The following PINX1 variants were observed in gnomAD, a reference collection of about 807,000 sequenced individuals.
PINX1 encodes the protein PIN2/TERF1-interacting telomerase inhibitor 1.
A neutral mutation model predicts 25.4 loss-of-function variants in PINX1; 34 were observed. That is an observed-to-expected ratio of 1.34 (90% confidence interval 1.02 to 1.78). The LOEUF is 1.78. Among genes scored for constraint, PINX1 ranks in the 40% most tolerant of loss-of-function variants. The probability of loss-of-function intolerance (pLI) is 0.00; values close to 1 mark genes in which losing one functional copy is unlikely to be tolerated. For missense variants in PINX1, 592 were observed against 404.9 expected, an observed-to-expected ratio of 1.46 and a Z score of -3.97; for synonymous variants, 197 against 147.7, an observed-to-expected ratio of 1.33 and a Z score of -2.42.
chr8:10,771,195 G>A (rs1801209891), intron 6 of PINX1: 1 of 152,186 alleles, frequency 6.6e-6, no homozygotes, highest in Admixed American at 6.5e-5. Context: ...ATCCCTTCAG[G>A]TATGAAGTGA....
At chr8:10,825,235 A>C in intron 5 of PINX1, 1 of 443,302 alleles carries the variant, frequency 2.3e-6, no homozygotes, top group Admixed American at 2.4e-5. Flanking sequence ...CTGGCTGTAC[A>C]AGTTAAGAGC....
At chr8:10,834,634 C>G (rs751699270) in intron 2 of PINX1, 32 bp downstream of exon 2, 10 of 1,608,878 alleles carry the variant, frequency 6.2e-6, no homozygotes, top group Non-Finnish European at 8.5e-6. Flanking sequence ...CTTTTCATAG[C>G]TCAGATTTTT....
chr8:10,790,367 C>G (rs1353129785), intron 6 of PINX1, among the ~76,000 whole-genome samples: 3 of 152,158 alleles, frequency 2.0e-5, no homozygotes, highest in African/African-American at 7.2e-5. Context: ...CTCACAGCAT[C>G]AGGTCAGATG....
intron 6 of PINX1, among the ~76,000 whole-genome samples, chr8:10,808,438 C>T (rs868038720): frequency 2.0e-5 from 3 of 152,022 alleles, no homozygotes; most frequent in Non-Finnish European, 1.5e-5. Context: ...CATCTAGGTG[C>T]GTATATTACT....
At chr8:10,791,959 GAGGTGCCAGTTAC>G (rs1281685065) in intron 6 of PINX1, among the ~76,000 whole-genome samples, 6 of 152,172 alleles carry the variant, frequency 3.9e-5, no homozygotes, top group African/African-American at 1.4e-4. Flanking sequence ...TCTCTCCACA[GAGGTGCCAGTTAC>G]ACCTGGCAGT....
chr8:10,832,851 A>ACCTTC, intron 3 of PINX1, 41 bp downstream of exon 3: 3 of 1,205,064 alleles, frequency 2.5e-6, no homozygotes, highest in Non-Finnish European at 3.7e-6. Context: ...GACTGAAGCC[A>ACCTTC]ATTATGCAAA....
In PINX1 at chr8:10,782,559, A is replaced by C. The variant is rs1586146154; in HGVS notation, c.472-16643T>G. Among the ~76,000 whole-genome samples the C allele has an allele frequency of 2.6e-5, 4 of 152,214 alleles. No homozygotes were observed. In the East Asian group the frequency reaches 5.8e-4, roughly 22 times the overall value. On this transcript the variant is annotated intron_variant, in intron 6 of 6. Coordinates refer to ENST00000314787, the MANE Select transcript of PINX1 (RefSeq NM_017884.6). ...AAGACCAACGTGGCCAATATGCTGA[A>C]ACCCCGTCTCTACTAAAAATACAAA...
chr8:10,794,442 T>C (rs1395137092), intron 6 of PINX1, among the ~76,000 whole-genome samples: 1 of 151,930 alleles, frequency 6.6e-6, no homozygotes, highest in East Asian at 1.9e-4. Context: ...TTGCTACCTT[T>C]TTTTTTTTTG....
intron 6 of PINX1, among the ~76,000 whole-genome samples, chr8:10,814,555 T>C (rs970701067): frequency 2.0e-5 from 3 of 152,210 alleles, no homozygotes; most frequent in Non-Finnish European, 2.9e-5. Flanking sequence ...AAACATAAAA[T>C]GGTGTGAGCA....
At chr8:10,808,950 G>A (rs1802540344) in intron 6 of PINX1, among the ~76,000 whole-genome samples, 1 of 152,198 alleles carries the variant, frequency 6.6e-6, no homozygotes, top group Admixed American at 6.5e-5. Flanking sequence ...AAATGACTAA[G>A]TTTCCTTGAT....
At chr8:10,791,145 C>G (rs1276607237) in intron 6 of PINX1, among the ~76,000 whole-genome samples, 1 of 152,076 alleles carries the variant, frequency 6.6e-6, no homozygotes, top group Non-Finnish European at 1.5e-5. Context: ...AATTCCTGAC[C>G]TCGTGATCTG....
chr8:10,767,420 T>A (rs953468818), intron 6 of PINX1, among the ~76,000 whole-genome samples: 3 of 151,730 alleles, frequency 2.0e-5, no homozygotes, highest in Admixed American at 6.6e-5. Context: ...AAAAAAAAAA[T>A]CATGTGGTCA....
Position 10,820,114 on chromosome 8 carries a change from T to C in PINX1, c.471+79A>G, listed in dbSNP as rs72549107. 2.0e-3 allele frequency: 1,828 copies of C among 900,390 alleles called. 21 individuals are homozygous for C. In the African/African-American group the frequency reaches 0.027, roughly 13 times the overall value. 55.8% of individuals were successfully genotyped at this position (900,390 alleles called of 1,614,324 possible). On this transcript the variant is annotated intron_variant, in intron 6 of 6. Coordinates refer to ENST00000314787, the MANE Select transcript of PINX1 (RefSeq NM_017884.6). ...AAGTTTGTCAGAAAAGTACTAGTCATAGATAGAAACAGTCCTATACACAGG... is the reference window on the plus strand; with the variant it reads ...AAGTTTGTCAGAAAAGTACTAGTCACAGATAGAAACAGTCCTATACACAGG...
chr8:10,826,888 T>C (rs1798067641), intron 4 of PINX1, among the ~76,000 whole-genome samples: 2 of 152,248 alleles, frequency 1.3e-5, no homozygotes, highest in Admixed American at 6.5e-5. Flanking sequence ...GAGGTTGCTG[T>C]GCCGTGGTGG....
chr8:10,835,936 G>A (rs929064470), intron 1 of PINX1, among the ~76,000 whole-genome samples: 8 of 151,950 alleles, frequency 5.3e-5, no homozygotes, highest in Non-Finnish European at 1.0e-4. Flanking sequence ...GAAAATTATG[G>A]CAAAAATAAA....
chr8:10,798,325 C>G (rs1425525358), intron 6 of PINX1, among the ~76,000 whole-genome samples: 1 of 152,218 alleles, frequency 6.6e-6, no homozygotes, highest in Non-Finnish European at 1.5e-5. Flanking sequence ...ATTATTACTT[C>G]AAGTTGACTT....
At chr8:10,822,355 A>T (rs992662321) in intron 5 of PINX1, among the ~76,000 whole-genome samples, 19 of 152,254 alleles carry the variant, frequency 1.2e-4, no homozygotes, top group African/African-American at 4.3e-4. Context: ...TGGTCAAATC[A>T]TACAAAATAC....
At chr8:10,766,709 T>C (rs1801060822) in intron 6 of PINX1, among the ~76,000 whole-genome samples, 1 of 152,256 alleles carries the variant, frequency 6.6e-6, no homozygotes, top group Admixed American at 6.5e-5. Context: ...CAGCTGGGAT[T>C]AGGATTTTAA....
At chr8:10,815,862 A>G (rs946835507) in intron 6 of PINX1, among the ~76,000 whole-genome samples, 4 of 152,358 alleles carry the variant, frequency 2.6e-5, no homozygotes, top group Admixed American at 2.6e-4. Context: ...AAAGACTCAT[A>G]AAATAGAAAA....
Sources: allele counts gnomAD v4.1 joint callset (sites outside exome capture counted in the v4.1 genomes callset), GRCh38; gene constraint gnomAD v4.1.1; transcripts MANE v1.5; gene names NCBI Gene and HGNC (gene_info 2026-07-23, HGNC 2026-07-21).